The following PID1 variants were observed in gnomAD, a reference collection of about 807,000 sequenced individuals.
The protein encoded by PID1 is PTB-containing, cubilin and LRP1-interacting protein.
PID1 carries 10 observed loss-of-function variants against 19.1 expected under a neutral mutation model. That is an observed-to-expected ratio of 0.52 (90% CI 0.32 to 0.89). The LOEUF (loss-of-function observed/expected upper bound fraction) is 0.89, where lower values mean the gene tolerates loss of function less well. Among genes scored for constraint, PID1 ranks in the 40% least tolerant of loss-of-function variants. The probability of loss-of-function intolerance (pLI) is 0.03; values close to 1 mark genes in which losing one functional copy is unlikely to be tolerated. For synonymous variants in PID1, 130 were observed against 116.0 expected, an observed-to-expected ratio of 1.12 and a Z score of -0.78; for missense variants, 248 against 285.3, an observed-to-expected ratio of 0.87 and a Z score of 0.94.
At chr2:229,178,341 GT>G (rs2106216139) in intron 1 of PID1, among the ~76,000 whole-genome samples, 1 of 152,302 alleles carries the variant, frequency 6.6e-6, no homozygotes, top group Non-Finnish European at 1.5e-5. Flanking sequence ...TCCTGGGTGT[GT>G]CCCTCCTGGC....
At chr2:229,100,124 C>T (rs1207091635) in intron 2 of PID1, among the ~76,000 whole-genome samples, 1 of 152,164 alleles carries the variant, frequency 6.6e-6, no homozygotes, top group Non-Finnish European at 1.5e-5. Flanking sequence ...TTACCAGACA[C>T]TGGACCTGCC....
At chr2:229,224,701 G>C (rs1692041515) in intron 1 of PID1, among the ~76,000 whole-genome samples, 1 of 152,006 alleles carries the variant, frequency 6.6e-6, no homozygotes, top group Non-Finnish European at 1.5e-5. Flanking sequence ...TACTCCACCA[G>C]AATATCTACA....
rs531408667 is a variant in PID1 at position 229,067,924 on chromosome 2, C to T, written c.178-41816G>A. 4.6e-5 allele frequency among the ~76,000 whole-genome samples: 7 copies of T among 152,310 alleles called. No individual in the cohort carries two copies. The South Asian group carries it at 1.5e-3, about 32-fold the overall frequency. Reference sequence around the variant, plus strand: ...GGGGGCAGGGCAAGGTCTCTCTATTCATCCTTTAGAGCAAAAGTCAGTTCC... The same window carrying T: ...GGGGGCAGGGCAAGGTCTCTCTATTTATCCTTTAGAGCAAAAGTCAGTTCC... On this transcript the variant is annotated intron_variant, in intron 2 of 2. Transcript: ENST00000392055.
chr2:229,148,376 T>C (rs944352423), intron 2 of PID1, among the ~76,000 whole-genome samples: 2 of 152,110 alleles, frequency 1.3e-5, no homozygotes, highest in African/African-American at 2.4e-5. Flanking sequence ...ACTAAAACAA[T>C]AGATGGAGGC....
chr2:229,132,543 T>C (rs895780205), intron 2 of PID1, among the ~76,000 whole-genome samples: 1 of 152,238 alleles, frequency 6.6e-6, no homozygotes, highest in Non-Finnish European at 1.5e-5. Context: ...AATTCTTAGT[T>C]TCTCTCTCAT....
intron 1 of PID1, among the ~76,000 whole-genome samples, chr2:229,208,429 C>T (rs1574722835): frequency 6.6e-6 from 1 of 152,106 alleles, no homozygotes; most frequent in African/African-American, 2.4e-5. Context: ...ATATCCCTGC[C>T]CTTTGGTTTT....
At chr2:229,140,577 G>A (rs1459054406) in intron 2 of PID1, among the ~76,000 whole-genome samples, 2 of 144,278 alleles carry the variant, frequency 1.4e-5, no homozygotes, top group African/African-American at 5.9e-5. Context: ...GGTGAAAACT[G>A]ATGATCCAAT....
At position 229,190,315 on chromosome 2, in the gene PID1, A is replaced by T. The variant is rs142962751; in HGVS notation, c.31-34351T>A. ...GTATCAAAACACTGGCAACTGTATT[A>T]TGCAAATGATAGAGTTGAACCAGCC... is the stretch of plus-strand genomic sequence containing the variant. On this transcript the variant is annotated intron_variant, in intron 1 of 2. Coordinates refer to ENST00000392055, the MANE Select transcript of PID1 (RefSeq NM_001100818.2). Among the ~76,000 whole-genome samples, 116 of 152,374 alleles carry T rather than the reference A, an allele frequency of 7.6e-4. 1 individual carries two copies. In the East Asian group the frequency reaches 0.018, roughly 24 times the overall value.
chr2:229,065,733 C>G (rs368681708), intron 2 of PID1, among the ~76,000 whole-genome samples: 1 of 53,306 alleles, frequency 1.9e-5, no homozygotes, highest in African/African-American at 7.4e-5. Flanking sequence ...AAAAAAAAAA[C>G]AGGTTGAAAT....
At chr2:229,083,854 G>T (rs1009330194) in intron 2 of PID1, among the ~76,000 whole-genome samples, 5 of 152,196 alleles carry the variant, frequency 3.3e-5, no homozygotes, top group Non-Finnish European at 5.9e-5. Context: ...CAAGAGAGCT[G>T]CCACAGGGGC....
chr2:229,055,369 A>G (rs949906714), intron 2 of PID1, among the ~76,000 whole-genome samples: 5 of 152,182 alleles, frequency 3.3e-5, no homozygotes, highest in African/African-American at 1.2e-4. Context: ...AGGGTGAGAA[A>G]AACAAGGGTA....
Position 229,271,200 on chromosome 2 carries a change from G to A in PID1, c.-157C>T. On this transcript the variant is annotated 5_prime_UTR_variant, in exon 1 of 3. Transcript: ENST00000392055. Reference sequence around the variant, plus strand: ...CCGCCGGGTGGGCGTAGGGGGCTGCGAGCAGGAGGAGGCGCGGCGCTCAGC... The same window carrying A: ...CCGCCGGGTGGGCGTAGGGGGCTGCAAGCAGGAGGAGGCGCGGCGCTCAGC... The A allele has an allele frequency of 1.5e-6, 1 of 681,950 alleles. No individual in the cohort carries two copies. Among genetic ancestry groups the A allele is most frequent in the Non-Finnish European group, 2.3e-6 (1 of 432,190 alleles). 42.2% of individuals were successfully genotyped at this position (681,950 alleles called of 1,614,324 possible). A position where few individuals can be genotyped will look rare whatever the true frequency, so the allele number is the denominator to read the frequency against.
At chr2:229,157,872 G>C (rs187474319) in intron 1 of PID1, among the ~76,000 whole-genome samples, 1 of 152,310 alleles carries the variant, frequency 6.6e-6, no homozygotes, top group Admixed American at 6.5e-5. Flanking sequence ...AAAGGGAAAG[G>C]TGAGGCAGAC....
At chr2:229,107,503 C>CAAAAAA (rs36057425) in intron 2 of PID1, among the ~76,000 whole-genome samples, 1 of 119,238 alleles carries the variant, frequency 8.4e-6, no homozygotes, top group African/African-American at 3.1e-5. Context: ...AATATATCAC[C>CAAAAAA]AAAAAAAAAA....
At chr2:229,265,232 G>A (rs186123295) in intron 1 of PID1, among the ~76,000 whole-genome samples, 4 of 152,220 alleles carry the variant, frequency 2.6e-5, no homozygotes, top group Admixed American at 2.0e-4. Context: ...GTAAGAACTC[G>A]GTTGAAACAT....
intron 2 of PID1, among the ~76,000 whole-genome samples, chr2:229,053,281 A>C (rs528097703): frequency 6.6e-6 from 1 of 152,320 alleles, no homozygotes; most frequent in East Asian, 1.9e-4. Flanking sequence ...TTTCATTTGA[A>C]TTCCACCAAA....
chr2:229,127,763 C>T (rs574946168), intron 2 of PID1, among the ~76,000 whole-genome samples: 35 of 152,310 alleles, frequency 2.3e-4, no homozygotes, highest in African/African-American at 7.5e-4. Context: ...GCACACTCTT[C>T]TCCACTTGAT....
rs940193268 is a variant in PID1 at position 229,161,840 on chromosome 2, C to A, written c.31-5876G>T. Among the ~76,000 whole-genome samples, 19 of 152,184 alleles carry A rather than the reference C, an allele frequency of 1.2e-4. 3 individuals are homozygous for A. The highest frequency in any genetic ancestry group is 1.1e-3 in the Admixed American group (17 of 15,282). On this transcript the variant is annotated intron_variant, in intron 1 of 2. Coordinates refer to ENST00000392055, the MANE Select transcript of PID1 (RefSeq NM_001100818.2). ...CTATATGCCATACCCAGTTCTGTGG[C>A]CTTGTACTTCCTGGTCCTGTTTTCT...
chr2:229,054,045 A>G (rs1291419699), intron 2 of PID1, among the ~76,000 whole-genome samples: 1 of 152,216 alleles, frequency 6.6e-6, no homozygotes, highest in African/African-American at 2.4e-5. Flanking sequence ...TGGGAAGTAT[A>G]TAACAGGTGG....
Sources: gnomAD v4.1 joint callset for allele counts (sites outside exome capture counted in the v4.1 genomes callset) on GRCh38, gnomAD v4.1.1 for gene constraint, MANE v1.5 for transcripts, NCBI Gene and HGNC (gene_info 2026-07-23, HGNC 2026-07-21) for gene names.